Variants in MICALL1 observed in about 807,000 individuals in gnomAD.
The protein encoded by MICALL1 is MICAL like 1.
MICALL1 carries 61 observed loss-of-function variants against 83.7 expected under a neutral mutation model. That is an observed-to-expected ratio of 0.73 (90% CI 0.59 to 0.90). The LOEUF is 0.90. Ranked by LOEUF, MICALL1 falls within the 40% of genes least tolerant of loss-of-function variation. The pLI is 0.00. For synonymous variants in MICALL1, 481 were observed against 473.6 expected (o/e 1.02, Z -0.20); for missense variants, 1,066 against 1,152.0 (o/e 0.93, Z 1.08).
At chr22:37,925,416 T>C (rs1331268750) in intron 7 of MICALL1, among the ~76,000 whole-genome samples, 2 of 152,134 alleles carry the variant, frequency 1.3e-5, no homozygotes. Context: ...GCAGAGCCCC[T>C]GGTCGATCCT....
intron 3 of MICALL1, among the ~76,000 whole-genome samples, chr22:37,915,041 G>C (rs911173071): frequency 4.6e-5 from 7 of 151,950 alleles, no homozygotes; most frequent in Admixed American, 6.6e-5. Flanking sequence ...GTGGATTGCT[G>C]TTGAGACCAG....
intron 13 of MICALL1, among the ~76,000 whole-genome samples, chr22:37,934,102 G>A (rs911557533): frequency 2.6e-5 from 4 of 152,240 alleles, no homozygotes; most frequent in African/African-American, 7.2e-5. Flanking sequence ...TGGCCAGAGC[G>A]GGCACGGCTC....
rs920696509 is a variant in MICALL1, at chr22:37,930,585, T to C, written c.1882-1214T>C. Among the ~76,000 whole-genome samples the C allele has an allele frequency of 2.6e-5, 4 of 152,214 alleles. No homozygotes were observed. Among genetic ancestry groups the C allele is most frequent in the African/African-American group, 4.8e-5 (2 of 41,460 alleles). On this transcript the variant is annotated intron_variant, in intron 9 of 15. Transcript: ENST00000215957. This position sits in a 1 kb window ranked among gnomAD's most constrained non-coding sequence, Gnocchi z 4.8. ...CCTCTGTAAGGGGCTCGCAGTGACG[T>C]CTGTTTCCAATGAGCTGGGAAGAGT... is the stretch of plus-strand genomic sequence containing the variant.
At chr22:37,934,857 A>G (rs922011893) in intron 13 of MICALL1, among the ~76,000 whole-genome samples, 3 of 150,160 alleles carry the variant, frequency 2.0e-5, no homozygotes, top group Non-Finnish European at 4.4e-5. Flanking sequence ...TAGCCTCCCA[A>G]AGTGCTGGGA....
chr22:37,910,108 G>GC (rs1304980061), intron 1 of MICALL1, among the ~76,000 whole-genome samples: 1 of 152,204 alleles, frequency 6.6e-6, no homozygotes, highest in Non-Finnish European at 1.5e-5. Context: ...AACTCCGCAG[G>GC]CCTCTGAAGA....
chr22:37,939,610 C>T (rs1452615743), intron 15 of MICALL1, among the ~76,000 whole-genome samples: 1 of 151,682 alleles, frequency 6.6e-6, no homozygotes, highest in African/African-American at 2.4e-5. Flanking sequence ...CCTGTCTCTA[C>T]TAAAAATACA....
intron 3 of MICALL1, among the ~76,000 whole-genome samples, chr22:37,913,410 G>T (rs920212675): frequency 6.6e-6 from 1 of 152,220 alleles, no homozygotes; most frequent in Non-Finnish European, 1.5e-5. Context: ...AGACACAGCA[G>T]GTTGCGTTCA....
chr22:37,920,260 T>C (rs1449924513), intron 5 of MICALL1, among the ~76,000 whole-genome samples: 1 of 152,022 alleles, frequency 6.6e-6, no homozygotes, highest in Non-Finnish European at 1.5e-5. Flanking sequence ...TTTATATGTT[T>C]CAAAAATGAA....
rs1265301917 is a variant in MICALL1 at position 37,930,779 on chromosome 22, G to A, written c.1882-1020G>A. 1.3e-5 allele frequency among the ~76,000 whole-genome samples: 2 copies of A among 152,210 alleles called. No individual in the cohort carries two copies. Among genetic ancestry groups the A allele is most frequent in the African/African-American group, 4.8e-5 (2 of 41,446 alleles). Reference sequence around the variant, plus strand: ...TGTGGGTACTGGGCTGTGCAGCAGAGGATGAGATCTTTCTCTGGCAGGGAG... The same window carrying A: ...TGTGGGTACTGGGCTGTGCAGCAGAAGATGAGATCTTTCTCTGGCAGGGAG... On this transcript the variant is annotated intron_variant, in intron 9 of 15. Coordinates refer to ENST00000215957, the MANE Select transcript of MICALL1 (RefSeq NM_033386.4). This position sits in a 1 kb window ranked among gnomAD's most constrained non-coding sequence, Gnocchi z 4.8.
chr22:37,922,369 TC>T lies in MICALL1; in HGVS notation c.969del (p.Ser324ValfsTer17). Reference sequence around the variant, plus strand: ...AGCACCCCCCACGCCCCGGCCCCGCTCCAGTCTGCAGCAGGAGAACCTGGTG... The same window carrying T: ...AGCACCCCCCACGCCCCGGCCCCGCTCAGTCTGCAGCAGGAGAACCTGGTG... ...TPAPPTPRPRSSLQQENLVEQ... is the reference protein window; with the variant it reads ...TPAPPTPRPRXSLQQENLVEQ... On this transcript the variant is annotated frameshift_variant, in exon 6 of 16. Transcript: ENST00000215957. LOFTEE classifies it high-confidence loss of function. The T allele has an allele frequency of 6.5e-7, 1 of 1,531,822 alleles. No homozygotes were observed. The allele number at this position is 1,531,822 out of a possible 1,614,324, so 94.9% of individuals were successfully genotyped here. A position where few individuals can be genotyped will look rare whatever the true frequency, so the allele number is the denominator to read the frequency against.
chr22:37,922,259 T>C lies in MICALL1; in HGVS notation c.857T>C (p.Val286Ala). 1 of 1,589,894 alleles carries C rather than the reference T, an allele frequency of 6.3e-7. No individual in the cohort carries two copies. Among genetic ancestry groups the C allele is most frequent in the Non-Finnish European group, 8.6e-7 (1 of 1,168,734 alleles). Residue 286 changes from valine (V) to alanine (A), a missense_variant, in exon 6 of 16, where the codon GTT (valine) becomes GCT (alanine). By Grantham distance (64) the Val-to-Ala change is moderately conservative. Transcript: ENST00000215957. ...ARPQIPTKPR[V>A]PGKLQELASP... ...CCGCAGATCCCTACCAAGCCCCGGG[T>C]TCCTGGCAAACTACAGGAGCTGGCC...
chr22:37,936,746 G>T (rs1329850180), intron 13 of MICALL1, among the ~76,000 whole-genome samples: 1 of 152,152 alleles, frequency 6.6e-6, no homozygotes, highest in African/African-American at 2.4e-5. Context: ...TAAAAAATTA[G>T]CTGAGCGTGG....
At chr22:37,938,970 G>A (rs1930288085) in intron 15 of MICALL1, among the ~76,000 whole-genome samples, 1 of 151,926 alleles carries the variant, frequency 6.6e-6, no homozygotes, top group South Asian at 2.1e-4. Flanking sequence ...TGACCAGGCT[G>A]GTCTCGAACT....
Position 37,924,791 on chromosome 22 carries a change from TA to T in MICALL1, c.1082+75del. The T allele has an allele frequency of 6.6e-7, 1 of 1,505,288 alleles. No homozygotes were observed. 93.2% of individuals were successfully genotyped at this position (1,505,288 alleles called of 1,614,324 possible). On this transcript the variant is annotated intron_variant, in intron 7 of 15. Coordinates refer to ENST00000215957, the MANE Select transcript of MICALL1 (RefSeq NM_033386.4). The surrounding 1 kb of genome is among the most constrained non-coding windows in gnomAD (Gnocchi z 5.2). ...GGAATCAGGGTACTCTGGGGCCGGGTAGGGAGAGAGGCTTCCTGTGGATGGG... is the reference window on the plus strand; with the variant it reads ...GGAATCAGGGTACTCTGGGGCCGGGTGGGAGAGAGGCTTCCTGTGGATGGG...
At chr22:37,907,288 T>C (rs1928023682) in intron 1 of MICALL1, 1 of 152,286 alleles carries the variant, frequency 6.6e-6, no homozygotes, top group Admixed American at 6.5e-5. Flanking sequence ...TAGGATCCGA[T>C]TGATAGACAC....
rs371046443 is a variant in MICALL1, at chr22:37,912,011, G to A, written c.195+11G>A. On this transcript the variant is annotated intron_variant, in intron 2 of 15. Transcript: ENST00000215957. Reference sequence around the variant, plus strand: ...GAGAATAACCGTTTGGTAAGTTCCCGGACAGGTGGAAGCCCAAGAGGCTCT... The same window carrying A: ...GAGAATAACCGTTTGGTAAGTTCCCAGACAGGTGGAAGCCCAAGAGGCTCT... The A allele has an allele frequency of 1.9e-5, 30 of 1,613,498 alleles. No individual in the cohort carries two copies. The highest frequency in any genetic ancestry group is 8.9e-5 in the East Asian group (4 of 44,878).
chr22:37,915,645 CT>C (rs34900801), intron 3 of MICALL1, among the ~76,000 whole-genome samples: 1,336 of 133,106 alleles, frequency 0.01, 10 homozygotes, highest in African/African-American at 0.031. Flanking sequence ...GATTAGTATT[CT>C]TTTTTTTTTT....
At position 37,925,624 on chromosome 22, in the gene MICALL1, T is replaced by G. The variant is rs758835543; in HGVS notation, c.1083-37T>G. 8 of 1,551,450 alleles carry G rather than the reference T, an allele frequency of 5.2e-6. 1 individual carries two copies. The South Asian group carries it at 9.3e-5, about 18-fold the overall frequency. On this transcript the variant is annotated intron_variant, in intron 7 of 15. Transcript: ENST00000215957. ...AGAGAGAAGGAAGCTGACCCTTGCC[T>G]CTGCTAATGGTTTCTGCTGCTTCCC...
chr22:37,918,428 C>T (rs1267994890), intron 4 of MICALL1, among the ~76,000 whole-genome samples: 1 of 152,182 alleles, frequency 6.6e-6, no homozygotes, highest in African/African-American at 2.4e-5. Flanking sequence ...CCCATCTGCT[C>T]TTTGCTGGAG....
Sources: allele counts gnomAD v4.1 joint callset (sites outside exome capture counted in the v4.1 genomes callset), GRCh38; gene constraint gnomAD v4.1.1; non-coding constraint Gnocchi (gnomAD v3.1); transcripts MANE v1.5; gene names NCBI Gene and HGNC (gene_info 2026-07-23, HGNC 2026-07-21).